IQCH: variants seen among roughly 807,000 people sequenced by gnomAD.
IQCH encodes the protein IQ motif containing H.
Under a neutral mutation model 117.0 loss-of-function variants are expected in IQCH, and 98 were observed. The observed-to-expected ratio is 0.84, with a 90% CI of 0.71 to 0.99. The LOEUF (loss-of-function observed/expected upper bound fraction) is 0.99, where lower values mean the gene tolerates loss of function less well. IQCH is among the 50% of genes least tolerant of loss of function. The pLI, the probability that IQCH is intolerant of heterozygous loss-of-function variation, is 0.00. For synonymous variants in IQCH, 412 were observed against 448.2 expected (o/e 0.92, Z 1.02); for missense variants, 1,102 against 1,243.8 (o/e 0.89, Z 1.72).
chr15:67,322,520 C>G (rs1157175890), intron 4 of IQCH, among the ~76,000 whole-genome samples: 2 of 152,126 alleles, frequency 1.3e-5, no homozygotes, highest in Admixed American at 6.5e-5. Context: ...TGACACAGGA[C>G]TTTCCTTGTC....
At chr15:67,471,099 C>A (rs2083060724) in intron 17 of IQCH, among the ~76,000 whole-genome samples, 1 of 151,982 alleles carries the variant, frequency 6.6e-6, no homozygotes, top group South Asian at 2.1e-4. Context: ...AATTTATGTA[C>A]CCTTCCCCCA....
rs2081449657 is a variant in IQCH at position 67,411,508 on chromosome 15, G to T, written c.2098-5423G>T. Among the ~76,000 whole-genome samples the T allele has an allele frequency of 6.6e-6, 1 of 152,196 alleles. No individual in the cohort carries two copies. Among genetic ancestry groups the T allele is most frequent in the African/African-American group, 2.4e-5 (1 of 41,450 alleles). ...CTAGAAATCAGAACCATGTAGGCAG[G>T]TCCCTTGATTTTCTTTTGAACACCA... On this transcript the variant is annotated intron_variant, in intron 14 of 20. Coordinates refer to ENST00000335894, the MANE Select transcript of IQCH (RefSeq NM_001031715.3). The surrounding 1 kb of genome is among the most constrained non-coding windows in gnomAD (Gnocchi z 4.4).
Position 67,500,575 on chromosome 15 carries a change from C to T in IQCH, c.2971-58C>T. 1 of 845,990 alleles carries T rather than the reference C, an allele frequency of 1.2e-6. No homozygotes were observed. The allele number at this position is 845,990 out of a possible 1,614,324, so 52.4% of individuals were successfully genotyped here. Reference sequence around the variant, plus strand: ...GGTGAACTCCCAAAAGGACCAGATGCTTGGGGGAGAGGGATTGTAAGAGGT... The same window carrying T: ...GGTGAACTCCCAAAAGGACCAGATGTTTGGGGGAGAGGGATTGTAAGAGGT... On this transcript the variant is annotated intron_variant, in intron 20 of 20. Coordinates refer to ENST00000335894, the MANE Select transcript of IQCH (RefSeq NM_001031715.3). The surrounding 1 kb of genome is among the most constrained non-coding windows in gnomAD (Gnocchi z 4.4).
chr15:67,296,860 T>A (rs1272507901), intron 4 of IQCH, among the ~76,000 whole-genome samples: 1 of 152,208 alleles, frequency 6.6e-6, no homozygotes, highest in Non-Finnish European at 1.5e-5. Flanking sequence ...TTCCTCTTGT[T>A]ATTTTTAGGA....
intron 12 of IQCH, among the ~76,000 whole-genome samples, chr15:67,392,319 A>C (rs1971311952): frequency 6.6e-6 from 1 of 152,166 alleles, no homozygotes; most frequent in African/African-American, 2.4e-5. Context: ...TTTCTTTTAC[A>C]TGTCTTCATT....
chr15:67,395,305 C>T lies in IQCH; in HGVS notation c.1647C>T (p.Cys549=), dbSNP rs1267904963. The T allele has an allele frequency of 1.9e-6, 3 of 1,612,924 alleles. No individual in the cohort carries two copies. Among genetic ancestry groups the T allele is most frequent in the Non-Finnish European group, 2.5e-6 (3 of 1,179,138 alleles). The stretch of plus-strand genomic sequence containing the variant: ...TCTTCCCCCAGAAGCATCATATGTG[C>T]CTGGCCACTCACCTGATGTACAGTC... ...AVNIFPKHHM[C]LATHLMYSPK... The change falls in exon 13 of 21, where the codon TGC becomes TGT. Residue 549 remains cysteine (C), a synonymous_variant. Coordinates refer to ENST00000335894, the MANE Select transcript of IQCH (RefSeq NM_001031715.3). The surrounding 1 kb of genome is among the most constrained non-coding windows in gnomAD (Gnocchi z 4.0).
At chr15:67,269,925 G>A (rs1012689302) in intron 3 of IQCH, among the ~76,000 whole-genome samples, 1 of 152,042 alleles carries the variant, frequency 6.6e-6, no homozygotes, top group Non-Finnish European at 1.5e-5. Context: ...TGTTCATTGT[G>A]TATAATGTTG....
At position 67,458,984 on chromosome 15, in the gene IQCH, C is replaced by G. The variant is rs566813375; in HGVS notation, c.2506-6143C>G. 2.1e-3 allele frequency among the ~76,000 whole-genome samples: 317 copies of G among 152,298 alleles called. 1 individual carries two copies. The highest frequency in any genetic ancestry group is 3.4e-3 in the Non-Finnish European group (228 of 68,030). On this transcript the variant is annotated intron_variant, in intron 16 of 20. Transcript: ENST00000335894. The surrounding 1 kb of genome is among the most constrained non-coding windows in gnomAD (Gnocchi z 4.1). Reference sequence around the variant, plus strand: ...AATTTTCGGCAATATGATAAATATACACAATTCCCTGTTAGCCTCATAGAT... The same window carrying G: ...AATTTTCGGCAATATGATAAATATAGACAATTCCCTGTTAGCCTCATAGAT...
chr15:67,315,784 G>T lies in IQCH; in HGVS notation c.388-21191G>T, dbSNP rs141909229. 1.9e-3 allele frequency among the ~76,000 whole-genome samples: 285 copies of T among 152,164 alleles called. 1 individual carries two copies. Among genetic ancestry groups the T allele is most frequent in the Middle Eastern group, 6.8e-3 (2 of 294 alleles). On this transcript the variant is annotated intron_variant, in intron 4 of 20. Coordinates refer to ENST00000335894, the MANE Select transcript of IQCH (RefSeq NM_001031715.3). ...AATCTTTTAAGTCAGCTTCTGCATGGATCTGTCCACATTGATCATGTATCT... is the reference window on the plus strand; with the variant it reads ...AATCTTTTAAGTCAGCTTCTGCATGTATCTGTCCACATTGATCATGTATCT...
intron 4 of IQCH, among the ~76,000 whole-genome samples, chr15:67,295,880 C>T (rs1373329491): frequency 6.6e-6 from 1 of 152,128 alleles, no homozygotes; most frequent in African/African-American, 2.4e-5. Flanking sequence ...ACTCCTCAGT[C>T]ATTTAGAGAT....
rs561885238 is a variant in IQCH at position 67,473,515 on chromosome 15, C to T, written c.2677-2181C>T. ...GCCATGTAATAATCACCTGCTTTTGCTCCAAAGCATTTATCAATGGGCAGT... is the reference window on the plus strand; with the variant it reads ...GCCATGTAATAATCACCTGCTTTTGTTCCAAAGCATTTATCAATGGGCAGT... On this transcript the variant is annotated intron_variant, in intron 17 of 20. Transcript: ENST00000335894. The surrounding 1 kb of genome is among the most constrained non-coding windows in gnomAD (Gnocchi z 4.9). 3.8e-4 allele frequency among the ~76,000 whole-genome samples: 58 copies of T among 152,354 alleles called. No individual in the cohort carries two copies. The highest frequency in any genetic ancestry group is 3.4e-3 in the Middle Eastern group (1 of 294).
In IQCH at chr15:67,407,430, A is replaced by G. The variant is rs567512452; in HGVS notation, c.2097+7125A>G. ...GACTTAGAATGTTTTCTTCCAGTTCAGTGGTTATTTTCATGAAGCTGCCAG... is the reference window on the plus strand; with the variant it reads ...GACTTAGAATGTTTTCTTCCAGTTCGGTGGTTATTTTCATGAAGCTGCCAG... On this transcript the variant is annotated intron_variant, in intron 14 of 20. Transcript: ENST00000335894. The surrounding 1 kb of genome is among the most constrained non-coding windows in gnomAD (Gnocchi z 5.3). 1 of 152,114 alleles carries G rather than the reference A, an allele frequency of 6.6e-6. No individual in the cohort carries two copies. Among genetic ancestry groups the G allele is most frequent in the Admixed American group, 6.5e-5 (1 of 15,280 alleles). The allele number at this position is 152,114 out of a possible 1,614,324, so 9.4% of individuals were successfully genotyped here.
Position 67,404,479 on chromosome 15 carries a change from TG to T in IQCH, c.2097+4175del, listed in dbSNP as rs1971802127. 6.6e-6 allele frequency: 1 copy of T among 152,210 alleles called. No individual in the cohort carries two copies. The allele number at this position is 152,210 out of a possible 1,614,324, so 9.4% of individuals were successfully genotyped here. On this transcript the variant is annotated intron_variant, in intron 14 of 20. Coordinates refer to ENST00000335894, the MANE Select transcript of IQCH (RefSeq NM_001031715.3). The surrounding 1 kb of genome is among the most constrained non-coding windows in gnomAD (Gnocchi z 4.6). ...TAGGTGATCCCAAAGAGCCATTGCT[TG>T]TAATCACATCATTTTTAGAAAAGTT...
chr15:67,325,853 C>G (rs1968382217), intron 4 of IQCH, among the ~76,000 whole-genome samples: 1 of 151,862 alleles, frequency 6.6e-6, no homozygotes, highest in African/African-American at 2.4e-5. Flanking sequence ...TAAGTATGTG[C>G]CATAGACTTT....
At position 67,395,840 on chromosome 15, in the gene IQCH, T is replaced by C. The variant is rs1050362703; in HGVS notation, c.1905+277T>C. ...AGTTTCTGTGACTTCCAGCTAATTT[T>C]TGTATTTTTAGTAGAGATGGGGTTT... is the stretch of plus-strand genomic sequence containing the variant. On this transcript the variant is annotated intron_variant, in intron 13 of 20. Coordinates refer to ENST00000335894, the MANE Select transcript of IQCH (RefSeq NM_001031715.3). This position sits in a 1 kb window ranked among gnomAD's most constrained non-coding sequence, Gnocchi z 4.0. 2.0e-5 allele frequency among the ~76,000 whole-genome samples: 3 copies of C among 151,922 alleles called. No homozygotes were observed. The highest frequency in any genetic ancestry group is 4.4e-5 in the Non-Finnish European group (3 of 67,954).
rs560735935 is a variant in IQCH at position 67,456,294 on chromosome 15, T to C, written c.2506-8833T>C. ...CGAATTTCCAAAGTCACAGAGAAAC[T>C]TGGCACTCTGAAGAAATTGATCTAC... On this transcript the variant is annotated intron_variant, in intron 16 of 20. Transcript: ENST00000335894. This position sits in a 1 kb window ranked among gnomAD's most constrained non-coding sequence, Gnocchi z 5.1. 9.8e-5 allele frequency among the ~76,000 whole-genome samples: 15 copies of C among 152,318 alleles called. No individual in the cohort carries two copies. The highest frequency in any genetic ancestry group is 3.6e-4 in the African/African-American group (15 of 41,580).
intron 1 of IQCH, chr15:67,255,251 A>G: frequency 4.3e-6 from 2 of 460,264 alleles, no homozygotes. Context: ...TCATTTTTAA[A>G]TGTTATATTC....
chr15:67,420,503 CA>C (rs924327872), intron 15 of IQCH, among the ~76,000 whole-genome samples: 1 of 152,070 alleles, frequency 6.6e-6, no homozygotes, highest in Admixed American at 6.6e-5. Flanking sequence ...TTTTTCTCTA[CA>C]AAGAGGACAT....
At chr15:67,306,452 T>G (rs1967299867) in intron 4 of IQCH, among the ~76,000 whole-genome samples, 1 of 152,142 alleles carries the variant, frequency 6.6e-6, no homozygotes, top group African/African-American at 2.4e-5. Context: ...GTTTCGTTAC[T>G]TCTTATGAAA....
Sources: allele counts gnomAD v4.1 joint callset (sites outside exome capture counted in the v4.1 genomes callset), GRCh38; gene constraint gnomAD v4.1.1; non-coding constraint Gnocchi (gnomAD v3.1); transcripts MANE v1.5; gene names NCBI Gene and HGNC (gene_info 2026-07-23, HGNC 2026-07-21).